KAZN: variants seen among roughly 807,000 people sequenced by gnomAD.
The protein encoded by KAZN is kazrin, periplakin interacting protein.
A neutral mutation model predicts 87.4 loss-of-function variants in KAZN; 40 were observed. The observed-to-expected ratio is 0.46, with a 90% CI of 0.36 to 0.60. The LOEUF (loss-of-function observed/expected upper bound fraction) is 0.60, where lower values mean the gene tolerates loss of function less well. Among genes scored for constraint, KAZN ranks in the 20% least tolerant of loss-of-function variants. KAZN has a pLI of 0.00. For missense variants in KAZN, 898 were observed against 1,073.9 expected (o/e 0.84, Z 2.29); for synonymous variants, 466 against 458.3 (o/e 1.02, Z -0.22).
At chr1:14,404,837 G>A (rs1255423580) in intron 2 of KAZN, among the ~76,000 whole-genome samples, 4 of 152,116 alleles carry the variant, frequency 2.6e-5, no homozygotes, top group Non-Finnish European at 4.4e-5. Flanking sequence ...GAGTAAGAAA[G>A]GTCCACTTAA....
intron 2 of KAZN, among the ~76,000 whole-genome samples, chr1:14,540,770 G>A (rs1672761562): frequency 6.6e-6 from 1 of 152,182 alleles, no homozygotes; most frequent in South Asian, 2.1e-4. Flanking sequence ...CTGACACGTT[G>A]GAAAATAAAT....
intron 1 of KAZN, among the ~76,000 whole-genome samples, chr1:14,740,380 A>G (rs1644055342): frequency 6.6e-6 from 1 of 152,190 alleles, no homozygotes; most frequent in African/African-American, 2.4e-5. Flanking sequence ...CCTGACATCC[A>G]GTCCCATGCA....
At chr1:14,822,784 G>A (rs536267950) in intron 1 of KAZN, among the ~76,000 whole-genome samples, 18 of 152,226 alleles carry the variant, frequency 1.2e-4, no homozygotes, top group African/African-American at 4.1e-4. Flanking sequence ...TGGCTCTGTG[G>A]CGAGTGCTCC....
At chr1:14,725,138 A>C (rs1297542246) in intron 1 of KAZN, among the ~76,000 whole-genome samples, 2 of 152,198 alleles carry the variant, frequency 1.3e-5, no homozygotes, top group African/African-American at 4.8e-5. Flanking sequence ...TTTGTTACAT[A>C]GCTATAACTA....
chr1:14,377,155 T>C (rs1239334844), intron 2 of KAZN, among the ~76,000 whole-genome samples: 1 of 152,202 alleles, frequency 6.6e-6, no homozygotes, highest in African/African-American at 2.4e-5. Flanking sequence ...ATGGAAGCCA[T>C]TCTAAGTTGG....
rs1646286789 is a variant in KAZN at position 14,185,576 on chromosome 1, TG to T, written c.249+4985del. 2.0e-5 allele frequency among the ~76,000 whole-genome samples: 3 copies of T among 152,206 alleles called. No individual in the cohort carries two copies. The South Asian group carries it at 6.2e-4, about 31-fold the overall frequency. On this transcript the variant is annotated intron_variant, in intron 2 of 16. Coordinates refer to the KAZN transcript ENST00000636203. The stretch of plus-strand genomic sequence containing the variant: ...TATCAAATCAGCAAGTCCAAAAGCT[TG>T]TAGTTTTTTACATAACTCTTACAAG...
At chr1:14,422,949 C>T (rs1665517340) in intron 2 of KAZN, among the ~76,000 whole-genome samples, 1 of 152,234 alleles carries the variant, frequency 6.6e-6, no homozygotes, top group Non-Finnish European at 1.5e-5. Context: ...GCTTCTTTGC[C>T]TAAGGGCTGA....
At chr1:14,249,669 G>C (rs923289770) in intron 2 of KAZN, among the ~76,000 whole-genome samples, 4 of 152,188 alleles carry the variant, frequency 2.6e-5, no homozygotes, top group Non-Finnish European at 2.9e-5. Context: ...ACATGTCCCA[G>C]GCCTGTCTGC....
At chr1:14,610,711 A>G (rs1306144392) in intron 1 of KAZN, among the ~76,000 whole-genome samples, 1 of 151,012 alleles carries the variant, frequency 6.6e-6, no homozygotes, top group Non-Finnish European at 1.5e-5. Context: ...CTATACCATC[A>G]TAATTTAGGA....
intron 1 of KAZN, among the ~76,000 whole-genome samples, chr1:14,078,517 C>A (rs956449510): frequency 1.3e-5 from 2 of 152,172 alleles, no homozygotes; most frequent in Non-Finnish European, 2.9e-5. Flanking sequence ...AGTAGGGGAA[C>A]TTATAAACAG....
chr1:15,021,584 G>A lies in KAZN; in HGVS notation c.419-13165G>A, dbSNP rs924474525. On this transcript the variant is annotated intron_variant, in intron 2 of 14. Transcript: ENST00000376030. The surrounding 1 kb of genome is among the most constrained non-coding windows in gnomAD (Gnocchi z 4.2). ...GGGGGCCTGCTTCCCGGGGCCCTCC[G>A]CCCTCCTGGCTTCCAGGTGACCTCT... is the stretch of plus-strand genomic sequence containing the variant. 3.3e-5 allele frequency among the ~76,000 whole-genome samples: 5 copies of A among 152,144 alleles called. No homozygotes were observed. The highest frequency in any genetic ancestry group is 1.9e-4 in the East Asian group (1 of 5,156).
rs529941605 is a variant in KAZN, at chr1:14,870,105, G to A, written c.227-90579G>A. 3.8e-4 allele frequency among the ~76,000 whole-genome samples: 58 copies of A among 152,324 alleles called. 1 individual carries two copies. The highest frequency in any genetic ancestry group is 1.3e-3 in the African/African-American group (55 of 41,568). ...ATCCCAGTATCTGTCCAGGAGCACT[G>A]GGCCTGGCCTTGACCTTGGCTTTGA... On this transcript the variant is annotated intron_variant, in intron 1 of 14. Transcript: ENST00000376030.
At chr1:14,494,733 AC>A (rs1382278223) in intron 2 of KAZN, among the ~76,000 whole-genome samples, 1 of 152,166 alleles carries the variant, frequency 6.6e-6, no homozygotes, top group African/African-American at 2.4e-5. Context: ...TGTTTTTTGC[AC>A]CCTTCAGGAG....
intron 1 of KAZN, among the ~76,000 whole-genome samples, chr1:13,926,515 C>A (rs541878571): frequency 6.6e-6 from 1 of 152,254 alleles, no homozygotes; most frequent in South Asian, 2.1e-4. Context: ...TTTTCAAGTC[C>A]CCTTTGCACA....
chr1:14,547,167 C>T (rs1227155244), intron 2 of KAZN, among the ~76,000 whole-genome samples: 1 of 152,132 alleles, frequency 6.6e-6, no homozygotes, highest in Non-Finnish European at 1.5e-5. Context: ...CCAATGTTAC[C>T]AAAGGGAAGA....
intron 1 of KAZN, among the ~76,000 whole-genome samples, chr1:14,951,766 C>T (rs531846172): frequency 6.6e-6 from 1 of 152,266 alleles, no homozygotes; most frequent in African/African-American, 2.4e-5. Context: ...CATGAGCCAC[C>T]ATACCCATCT....
chr1:14,506,272 G>A (rs1670580260), intron 2 of KAZN, among the ~76,000 whole-genome samples: 1 of 152,100 alleles, frequency 6.6e-6, no homozygotes, highest in African/African-American at 2.4e-5. Context: ...TAGTCTTCAA[G>A]GCCCAGCTGA....
chr1:14,545,818 A>G (rs1673105369), intron 2 of KAZN, among the ~76,000 whole-genome samples: 1 of 152,300 alleles, frequency 6.6e-6, no homozygotes, highest in African/African-American at 2.4e-5. Context: ...GTGGTGAGTC[A>G]CACTGGCTTT....
chr1:14,059,750 T>C (rs913741041), intron 1 of KAZN, among the ~76,000 whole-genome samples: 1 of 152,216 alleles, frequency 6.6e-6, no homozygotes, highest in African/African-American at 2.4e-5. Context: ...TGCAAGGAAC[T>C]CAGAAAAGGT....
Sources: gnomAD v4.1 joint callset for allele counts (sites outside exome capture counted in the v4.1 genomes callset) on GRCh38, gnomAD v4.1.1 for gene constraint, Gnocchi (gnomAD v3.1) non-coding constraint, MANE v1.5 for transcripts, NCBI Gene and HGNC (gene_info 2026-07-23, HGNC 2026-07-21) for gene names.